The following CACNA1B variants were observed in gnomAD, a reference collection of about 807,000 sequenced individuals.
CACNA1B encodes calcium voltage-gated channel subunit alpha1 B.
CACNA1B carries 70 observed loss-of-function variants against 247.2 expected under a neutral mutation model. That is an observed-to-expected ratio of 0.28 (90% confidence interval 0.23 to 0.35). CACNA1B has a LOEUF of 0.35. Among genes scored for constraint, CACNA1B ranks in the 10% least tolerant of loss-of-function variants. CACNA1B has a pLI of 1.00. For synonymous variants in CACNA1B, 1,231 were observed against 1,294.4 expected, an observed-to-expected ratio of 0.95 and a Z score of 1.05; for missense variants, 2,367 against 3,197.4, an observed-to-expected ratio of 0.74 and a Z score of 6.26.
chr9:138,057,782 A>G lies in CACNA1B; in HGVS notation c.4019A>G (p.Gln1340Arg). The change falls in exon 27 of 47, where the codon CAG becomes CGG. Residue 1340 changes from glutamine (Q) to arginine (R), a missense_variant. Transcript: ENST00000371372. This position sits in a 1 kb window ranked among gnomAD's most constrained non-coding sequence, Gnocchi z 4.0. ...EKEEVEAQPRQWKKYDFHYDN... is the reference protein window; with the variant it reads ...EKEEVEAQPRRWKKYDFHYDN... Reference sequence around the variant, plus strand: ...GAGGAAGTGGAAGCTCAGCCCAGGCAGTGGAAGAAATACGACTTTCACTAC... The same window carrying G: ...GAGGAAGTGGAAGCTCAGCCCAGGCGGTGGAAGAAATACGACTTTCACTAC... The G allele has an allele frequency of 6.2e-7, 1 of 1,612,936 alleles. No individual in the cohort carries two copies. The highest frequency in any genetic ancestry group is 8.5e-7 in the Non-Finnish European group (1 of 1,179,342).
chr9:138,122,320 C>T lies in CACNA1B; in HGVS notation c.*321C>T, dbSNP rs199535830. The T allele has an allele frequency of 1.0e-5, 4 of 399,356 alleles. No individual in the cohort carries two copies. The highest frequency in any genetic ancestry group is 8.0e-5 in the African/African-American group (4 of 49,902). The allele number at this position is 399,356 out of a possible 1,614,324, so 24.7% of individuals were successfully genotyped here. ...ATCCCGTGTCCTGGGACTCAGCATC[C>T]AGCATGGGTGCTTGGAGCCGTTGTG... On this transcript the variant is annotated 3_prime_UTR_variant, in exon 47 of 47. Coordinates refer to ENST00000371372, the MANE Select transcript of CACNA1B (RefSeq NM_000718.4).
chr9:138,099,886 G>C (rs778542743), intron 37 of CACNA1B, among the ~76,000 whole-genome samples: 6 of 152,248 alleles, frequency 3.9e-5, no homozygotes, highest in Non-Finnish European at 1.5e-5. Context: ...ACTTCTTGCA[G>C]CAATCTGGCT....
At chr9:138,109,934 A>C (rs1961565075) in intron 39 of CACNA1B, among the ~76,000 whole-genome samples, 1 of 151,934 alleles carries the variant, frequency 6.6e-6, no homozygotes, top group Non-Finnish European at 1.5e-5. Flanking sequence ...GCTGGTGTGC[A>C]CCTGTAGTCC....
chr9:137,988,078 C>G lies in CACNA1B; in HGVS notation c.1974+1224C>G, dbSNP rs145516068. 4.6e-5 allele frequency among the ~76,000 whole-genome samples: 7 copies of G among 152,346 alleles called. No individual in the cohort carries two copies. The East Asian group carries it at 1.4e-3, about 29-fold the overall frequency. On this transcript the variant is annotated intron_variant, in intron 15 of 46. Coordinates refer to ENST00000371372, the MANE Select transcript of CACNA1B (RefSeq NM_000718.4). ...CTGACTTGAAAGCCTCGGCTGCTCA[C>G]AGGCCAGTGACTTCCAGACTTTGGT...
chr9:138,117,826 C>A, intron 42 of CACNA1B, 120 bp from the exon 43 acceptor site: 1 of 761,430 alleles, frequency 1.3e-6, no homozygotes, highest in Admixed American at 3.3e-5. Flanking sequence ...ACAGGGTGGC[C>A]AAACCCCCTG....
intron 3 of CACNA1B, among the ~76,000 whole-genome samples, chr9:137,909,100 C>T (rs1957331946): frequency 6.6e-6 from 1 of 151,548 alleles, no homozygotes; most frequent in Non-Finnish European, 1.5e-5. Context: ...CAGCGATTCT[C>T]CCACCTCAGC....
At position 137,889,427 on chromosome 9, in the gene CACNA1B, G is replaced by A. The variant is rs761691419; in HGVS notation, c.530+6544G>A. Among the ~76,000 whole-genome samples the A allele has an allele frequency of 1.0e-3, 151 of 148,276 alleles. 10 individuals carry two copies. In the South Asian group the frequency reaches 0.013, roughly 13 times the overall value. ...GTGTGGCTGGAACCGGTGGAGCGGG[G>A]GCTGAGTTCTGACAAGTCCCTGGAA... On this transcript the variant is annotated intron_variant, in intron 3 of 46. Coordinates refer to ENST00000371372, the MANE Select transcript of CACNA1B (RefSeq NM_000718.4).
At chr9:138,107,984 C>CA (rs902680099) in intron 39 of CACNA1B, among the ~76,000 whole-genome samples, 1,177 of 71,040 alleles carry the variant, frequency 0.017, 10 homozygotes, top group African/African-American at 0.042. Context: ...GACTCTGTCT[C>CA]AAAAAAAAAA....
chr9:138,078,587 G>T (rs115363386), intron 36 of CACNA1B, among the ~76,000 whole-genome samples: 1 of 152,202 alleles, frequency 6.6e-6, no homozygotes, highest in African/African-American at 2.4e-5. Flanking sequence ...AGTGTACGGG[G>T]AAAGCAGCTG....
At position 138,091,351 on chromosome 9, in the gene CACNA1B, G is replaced by T. The variant is rs148692886; in HGVS notation, c.5095-5133G>T. 2.8e-4 allele frequency among the ~76,000 whole-genome samples: 42 copies of T among 152,304 alleles called. No homozygotes were observed. The East Asian group carries it at 8.1e-3, about 29-fold the overall frequency. On this transcript the variant is annotated intron_variant, in intron 36 of 46. Coordinates refer to ENST00000371372, the MANE Select transcript of CACNA1B (RefSeq NM_000718.4). ...CTAAAAAAAAATTGCTCTCATAGAAGTGGAGAGTGGAATAGTGGTTACTAG... is the reference window on the plus strand; with the variant it reads ...CTAAAAAAAAATTGCTCTCATAGAATTGGAGAGTGGAATAGTGGTTACTAG...
At position 137,879,311 on chromosome 9, in the gene CACNA1B, AC is replaced by A. The variant is rs544315865; in HGVS notation, c.390+154del. ...GGAAAAGGTAGGCCTGGCAGATAAC[AC>A]CTTCCTCGAGGGCCAGGGCAGCTGG... On this transcript the variant is annotated intron_variant, in intron 2 of 46. Coordinates refer to ENST00000371372, the MANE Select transcript of CACNA1B (RefSeq NM_000718.4). Among the ~76,000 whole-genome samples, 13 of 152,270 alleles carry A rather than the reference AC, an allele frequency of 8.5e-5. No individual in the cohort carries two copies. In the East Asian group the frequency reaches 1.2e-3, roughly 14 times the overall value.
intron 3 of CACNA1B, among the ~76,000 whole-genome samples, chr9:137,901,095 G>GTCCC (rs1957234020): frequency 6.8e-6 from 1 of 147,678 alleles, no homozygotes; most frequent in African/African-American, 2.5e-5. Context: ...GTCTGTGTCT[G>GTCCC]TGTGTCCTTG....
At chr9:138,003,131 G>C (rs976545792) in intron 15 of CACNA1B, among the ~76,000 whole-genome samples, 1 of 148,664 alleles carries the variant, frequency 6.7e-6, no homozygotes, top group African/African-American at 2.5e-5. Flanking sequence ...GGGGTCTTGC[G>C]ATTGTGCCAC....
chr9:137,956,957 A>G, intron 9 of CACNA1B, 130 bp downstream of exon 9: 1 of 721,052 alleles, frequency 1.4e-6, no homozygotes, highest in Non-Finnish European at 2.5e-6. Flanking sequence ...CAGCCATCAC[A>G]TGAACACAGA....
Position 138,096,398 on chromosome 9 carries a change from TCA to T in CACNA1B, c.5095-78_5095-77del, listed in dbSNP as rs1961057056. 4 of 1,143,010 alleles carry T rather than the reference TCA, an allele frequency of 3.5e-6. No individual in the cohort carries two copies. The Admixed American group carries it at 5.3e-5, about 15-fold the overall frequency. 70.8% of individuals were successfully genotyped at this position (1,143,010 alleles called of 1,614,324 possible). On this transcript the variant is annotated intron_variant, in intron 36 of 46. Transcript: ENST00000371372. Reference sequence around the variant, plus strand: ...AGTGACCCCTGCTATCCTGAGAGCTTCACACACACTGGAGAGTGGTGGGGGGC... The same window carrying T: ...AGTGACCCCTGCTATCCTGAGAGCTTCACACACTGGAGAGTGGTGGGGGGC...
At chr9:137,908,771 C>T (rs909051553) in intron 3 of CACNA1B, among the ~76,000 whole-genome samples, 1 of 150,692 alleles carries the variant, frequency 6.6e-6, no homozygotes, top group Non-Finnish European at 1.5e-5. Flanking sequence ...GCTGGGACTA[C>T]AGGCACCTGC....
Position 138,051,779 on chromosome 9 carries a change from C to G in CACNA1B, c.3711-313C>G, listed in dbSNP as rs1959290227. 6.6e-6 allele frequency among the ~76,000 whole-genome samples: 1 copy of G among 152,164 alleles called. No homozygotes were observed. The highest frequency in any genetic ancestry group is 1.5e-5 in the Non-Finnish European group (1 of 68,036). ...GGGTCTGCAGTCCTCGTGCGGGTCT[C>G]TTCTGTCCTCTTAATCCTGGAATCT... On this transcript the variant is annotated intron_variant, in intron 24 of 46. Coordinates refer to ENST00000371372, the MANE Select transcript of CACNA1B (RefSeq NM_000718.4). This position sits in a 1 kb window ranked among gnomAD's most constrained non-coding sequence, Gnocchi z 4.3.
chr9:137,880,590 G>C lies in CACNA1B; in HGVS notation c.390+1431G>C, dbSNP rs759130416. On this transcript the variant is annotated intron_variant, in intron 2 of 46. Transcript: ENST00000371372. This position sits in a 1 kb window ranked among gnomAD's most constrained non-coding sequence, Gnocchi z 4.8. ...GTCCAGCCTTGCAAGTTCCTGCCTC[G>C]CAGGTGTGGGAGGGTTTACTTTGTG... is the stretch of plus-strand genomic sequence containing the variant. Among the ~76,000 whole-genome samples, 1 of 152,130 alleles carries C rather than the reference G, an allele frequency of 6.6e-6. No individual in the cohort carries two copies. Among genetic ancestry groups the C allele is most frequent in the African/African-American group, 2.4e-5 (1 of 41,414 alleles).
intron 31 of CACNA1B, among the ~76,000 whole-genome samples, chr9:138,063,847 G>A (rs1420776818): frequency 6.6e-6 from 1 of 152,198 alleles, no homozygotes; most frequent in African/African-American, 2.4e-5. Context: ...TTAATTATTC[G>A]AGGTGGCACT....
Sources: allele counts gnomAD v4.1 joint callset (sites outside exome capture counted in the v4.1 genomes callset), GRCh38; gene constraint gnomAD v4.1.1; non-coding constraint Gnocchi (gnomAD v3.1); transcripts MANE v1.5; gene names NCBI Gene and HGNC (gene_info 2026-07-23, HGNC 2026-07-21).